Variants in SMURF2 observed in about 807,000 individuals in gnomAD.
SMURF2 encodes the protein SMAD specific E3 ubiquitin protein ligase 2, also known as E3 ubiquitin-protein ligase SMURF2.
Under a neutral mutation model 109.6 loss-of-function variants are expected in SMURF2, and 48 were observed. The ratio of observed to expected loss-of-function variants is 0.44; its 90% CI spans 0.35 to 0.56. SMURF2 has a LOEUF of 0.56. Among genes scored for constraint, SMURF2 ranks in the 20% least tolerant of loss-of-function variants. The pLI is 0.01. For missense variants in SMURF2, 575 were observed against 909.0 expected, an observed-to-expected ratio of 0.63 and a Z score of 4.72; for synonymous variants, 288 against 317.1, an observed-to-expected ratio of 0.91 and a Z score of 0.97.
intron 1 of SMURF2, among the ~76,000 whole-genome samples, chr17:64,630,746 G>A (rs1555691515): frequency 6.6e-6 from 1 of 152,180 alleles, no homozygotes; most frequent in Non-Finnish European, 1.5e-5. Context: ...ATAAGGATAA[G>A]AACAAGTTCC....
Position 64,562,985 on chromosome 17 carries a change from G to A in SMURF2, c.1017-19C>T, listed in dbSNP as rs782381246. 5 of 1,580,082 alleles carry A rather than the reference G, an allele frequency of 3.2e-6. No homozygotes were observed. In the Admixed American group the frequency reaches 7.3e-5, roughly 23 times the overall value. ...CTGCCGACTAGAAGTAAACATAGAT[G>A]TTATTATTAAAGTATATCAAATTTT... is the stretch of plus-strand genomic sequence containing the variant. On this transcript the variant is annotated intron_variant, in intron 10 of 18. Coordinates refer to ENST00000262435, the MANE Select transcript of SMURF2 (RefSeq NM_022739.4).
intron 9 of SMURF2, among the ~76,000 whole-genome samples, chr17:64,577,034 G>A (rs1969503411): frequency 6.6e-6 from 1 of 151,536 alleles, no homozygotes; most frequent in African/African-American, 2.4e-5. Context: ...TTGAAATGGG[G>A]TCTTGCCCCA....
intron 16 of SMURF2, among the ~76,000 whole-genome samples, chr17:64,548,429 C>T (rs1968991057): frequency 6.6e-6 from 1 of 152,082 alleles, no homozygotes; most frequent in Non-Finnish European, 1.5e-5. Context: ...GCTCTGTCTC[C>T]TAGGCTGGAG....
At chr17:64,617,630 C>A (rs568734829) in intron 1 of SMURF2, among the ~76,000 whole-genome samples, 4 of 152,034 alleles carry the variant, frequency 2.6e-5, no homozygotes, top group African/African-American at 4.8e-5. Context: ...GGACTACAGG[C>A]GCACACCACC....
chr17:64,618,517 T>G (rs1555690305), intron 1 of SMURF2, among the ~76,000 whole-genome samples: 1 of 152,146 alleles, frequency 6.6e-6, no homozygotes, highest in Non-Finnish European at 1.5e-5. Flanking sequence ...CACCATGACT[T>G]AAAGACCTAT....
intron 1 of SMURF2, among the ~76,000 whole-genome samples, chr17:64,624,632 G>A (rs1467279999): frequency 6.6e-6 from 1 of 151,974 alleles, no homozygotes; most frequent in Non-Finnish European, 1.5e-5. Flanking sequence ...GACCAGCCTG[G>A]GCAACATGGT....
At chr17:64,601,305 T>C (rs1555688540) in intron 2 of SMURF2, among the ~76,000 whole-genome samples, 1 of 151,958 alleles carries the variant, frequency 6.6e-6, no homozygotes, top group Non-Finnish European at 1.5e-5. Context: ...GACAAAGGAC[T>C]AATATCCAGA....
chr17:64,590,976 C>T, intron 5 of SMURF2, 108 bp downstream of exon 5: 1 of 634,954 alleles, frequency 1.6e-6, no homozygotes, highest in South Asian at 3.2e-5. Context: ...TCATTTAATT[C>T]AGGCCAACAC....
At chr17:64,585,347 C>A (rs1969638568) in intron 6 of SMURF2, among the ~76,000 whole-genome samples, 2 of 152,072 alleles carry the variant, frequency 1.3e-5, no homozygotes, top group Non-Finnish European at 2.9e-5. Context: ...ATAATAGTAG[C>A]AATAGAAATA....
At chr17:64,661,491 C>A (rs1311931215) in intron 1 of SMURF2, among the ~76,000 whole-genome samples, 7 of 152,130 alleles carry the variant, frequency 4.6e-5, no homozygotes, top group Non-Finnish European at 1.0e-4. Context: ...CACGATCTCA[C>A]CTGGGCGGTA....
chr17:64,615,104 T>C (rs1970103244), intron 1 of SMURF2, among the ~76,000 whole-genome samples: 1 of 152,184 alleles, frequency 6.6e-6, no homozygotes, highest in Non-Finnish European at 1.5e-5. Context: ...GAGAATGCTA[T>C]GCTTGTTCTT....
intron 2 of SMURF2, among the ~76,000 whole-genome samples, chr17:64,603,604 A>T (rs1969929758): frequency 6.6e-6 from 1 of 151,804 alleles, no homozygotes; most frequent in African/African-American, 2.4e-5. Context: ...AAAAAAACAT[A>T]ATGAATAAAT....
At chr17:64,625,237 G>A (rs1970252965) in intron 1 of SMURF2, among the ~76,000 whole-genome samples, 2 of 152,154 alleles carry the variant, frequency 1.3e-5, no homozygotes, top group South Asian at 4.1e-4. Context: ...GCTTAAGTTA[G>A]TCTGAATGGG....
At chr17:64,640,458 C>G (rs1441392059) in intron 1 of SMURF2, among the ~76,000 whole-genome samples, 6 of 152,138 alleles carry the variant, frequency 3.9e-5, no homozygotes, top group Non-Finnish European at 8.8e-5. Context: ...AAAGCCCAGT[C>G]AACAGGGGCA....
intron 1 of SMURF2, among the ~76,000 whole-genome samples, chr17:64,624,903 G>C (rs1970248444): frequency 1.3e-5 from 2 of 152,172 alleles, no homozygotes; most frequent in Non-Finnish European, 2.9e-5. Context: ...ATGAGCCATA[G>C]AGGATAAGTG....
chr17:64,577,849 C>A (rs1253905270), intron 9 of SMURF2, among the ~76,000 whole-genome samples: 1 of 152,108 alleles, frequency 6.6e-6, no homozygotes, highest in Non-Finnish European at 1.5e-5. Flanking sequence ...CATGCCTCAG[C>A]CTCCCAAAGT....
At chr17:64,585,942 T>G (rs1396128072) in intron 6 of SMURF2, 144 bp downstream of exon 6, 1 of 455,076 alleles carries the variant, frequency 2.2e-6, no homozygotes, top group Admixed American at 4.0e-5. Context: ...GACAAGATCT[T>G]CCATTAATTT....
At chr17:64,615,114 T>C (rs1017527828) in intron 1 of SMURF2, among the ~76,000 whole-genome samples, 2 of 152,206 alleles carry the variant, frequency 1.3e-5, no homozygotes, top group Admixed American at 6.5e-5. Flanking sequence ...TGCTTGTTCT[T>C]ACTGAGTTGT....
At chr17:64,604,315 T>C (rs1969940058) in intron 2 of SMURF2, among the ~76,000 whole-genome samples, 1 of 152,126 alleles carries the variant, frequency 6.6e-6, no homozygotes, top group South Asian at 2.1e-4. Context: ...ATCTTATCCC[T>C]AAAGCAAGTT....
Sources: gnomAD v4.1 joint callset for allele counts (sites outside exome capture counted in the v4.1 genomes callset) on GRCh38, gnomAD v4.1.1 for gene constraint, MANE v1.5 for transcripts, NCBI Gene and HGNC (gene_info 2026-07-23, HGNC 2026-07-21) for gene names.